LIMCH1: variants seen among roughly 807,000 people sequenced by gnomAD.
The protein encoded by LIMCH1 is LIM and calponin homology domains 1, also known as LIM and calponin homology domains-containing protein 1.
LIMCH1 carries 113 observed loss-of-function variants against 176.5 expected under a neutral mutation model. The ratio of observed to expected loss-of-function variants is 0.64; its 90% CI spans 0.55 to 0.75. LIMCH1 has a LOEUF of 0.75. LIMCH1 is among the 30% of genes least tolerant of loss of function. The probability of loss-of-function intolerance (pLI) is 0.00; values close to 1 mark genes in which losing one functional copy is unlikely to be tolerated. For synonymous variants in LIMCH1, 619 were observed against 645.9 expected, an observed-to-expected ratio of 0.96 and a Z score of 0.63; for missense variants, 1,674 against 1,814.9, an observed-to-expected ratio of 0.92 and a Z score of 1.41.
intron 5 of LIMCH1, among the ~76,000 whole-genome samples, chr4:41,615,164 T>A (rs1233898698): frequency 6.6e-6 from 1 of 152,232 alleles, no homozygotes; most frequent in Admixed American, 6.5e-5. Context: ...AAGAGTAGAT[T>A]TACTTTTCCA....
chr4:41,397,682 CTG>C (rs1364763650), intron 1 of LIMCH1, among the ~76,000 whole-genome samples: 1 of 151,824 alleles, frequency 6.6e-6, no homozygotes, highest in Non-Finnish European at 1.5e-5. Flanking sequence ...GGTTATTAGA[CTG>C]TGTTGTTCAA....
rs145851869 is a variant in LIMCH1, at chr4:41,620,359, T to A, written c.459-65T>A. The A allele has an allele frequency of 1.5e-3, 2,136 of 1,404,816 alleles. 4 individuals carry two copies. Among genetic ancestry groups the A allele is most frequent in the Non-Finnish European group, 1.9e-3 (2,020 of 1,051,774 alleles). 87.0% of individuals were successfully genotyped at this position (1,404,816 alleles called of 1,614,324 possible). A position where few individuals can be genotyped will look rare whatever the true frequency, so the allele number is the denominator to read the frequency against. Reference sequence around the variant, plus strand: ...AAGTAATATCAGAATAGCGGGGAGATGACATGGGGTCTGCTCCCCAGCCCA... The same window carrying A: ...AAGTAATATCAGAATAGCGGGGAGAAGACATGGGGTCTGCTCCCCAGCCCA... On this transcript the variant is annotated intron_variant, in intron 6 of 31. Coordinates refer to ENST00000503057, the MANE Select transcript of LIMCH1 (RefSeq NM_001330672.2).
At chr4:41,414,742 T>C (rs1045422870) in intron 1 of LIMCH1, among the ~76,000 whole-genome samples, 1 of 152,172 alleles carries the variant, frequency 6.6e-6, no homozygotes, top group African/African-American at 2.4e-5. Context: ...GATGATAAGG[T>C]TTTATAATTT....
intron 1 of LIMCH1, among the ~76,000 whole-genome samples, chr4:41,432,055 A>G (rs2061651448): frequency 6.6e-6 from 1 of 152,220 alleles, no homozygotes; most frequent in Non-Finnish European, 1.5e-5. Flanking sequence ...TAGGATGTTA[A>G]ATAATTTGTC....
chr4:41,441,498 G>GA (rs1303907391), intron 1 of LIMCH1, among the ~76,000 whole-genome samples: 5 of 151,944 alleles, frequency 3.3e-5, no homozygotes, highest in Admixed American at 3.3e-4. Context: ...TTAATATGAG[G>GA]AAAAATGAAG....
At chr4:41,576,370 C>T (rs1401812303) in intron 1 of LIMCH1, among the ~76,000 whole-genome samples, 1 of 152,040 alleles carries the variant, frequency 6.6e-6, no homozygotes, top group Non-Finnish European at 1.5e-5. Context: ...TGGTGACAAC[C>T]TTTAGGGAGG....
chr4:41,614,704 A>G (rs1336655434), intron 5 of LIMCH1, among the ~76,000 whole-genome samples: 1 of 152,164 alleles, frequency 6.6e-6, no homozygotes, highest in Non-Finnish European at 1.5e-5. Context: ...AGAGATACTC[A>G]CTCAGTATCT....
chr4:41,626,900 A>G lies in LIMCH1; in HGVS notation c.918A>G (p.Pro306=), dbSNP rs748245071. ...ARMNQTKPMV[P]LNQLLYGPYP... Reference sequence around the variant, plus strand: ...TGAACCAAACCAAGCCAATGGTGCCATTAAATCAACTCCTCTATGGCCCTT... The same window carrying G: ...TGAACCAAACCAAGCCAATGGTGCCGTTAAATCAACTCCTCTATGGCCCTT... Residue 306 remains proline (P), a synonymous_variant, in exon 8 of 32, where the codon CCA becomes CCG. Transcript: ENST00000503057. 9.1e-6 allele frequency: 14 copies of G among 1,536,086 alleles called. No homozygotes were observed. The highest frequency in any genetic ancestry group is 8.7e-7 in the Non-Finnish European group (1 of 1,146,924).
chr4:41,591,422 G>A (rs6824575), intron 1 of LIMCH1, among the ~76,000 whole-genome samples: 12,968 of 151,864 alleles, frequency 0.085, 1,810 homozygotes, highest in African/African-American at 0.29. Context: ...TTTAAAAAAC[G>A]TTTTATAGAG....
intron 1 of LIMCH1, among the ~76,000 whole-genome samples, chr4:41,405,923 C>T (rs986162348): frequency 6.6e-6 from 1 of 152,112 alleles, no homozygotes; most frequent in African/African-American, 2.4e-5. Flanking sequence ...GGAGACACGA[C>T]AATATGGCCT....
At chr4:41,554,282 A>T (rs914941542) in intron 1 of LIMCH1, among the ~76,000 whole-genome samples, 16 of 152,182 alleles carry the variant, frequency 1.1e-4, no homozygotes, top group African/African-American at 3.9e-4. Flanking sequence ...TTCATTGCTC[A>T]TGCATCTGAG....
At chr4:41,450,600 G>A (rs1332583995) in intron 1 of LIMCH1, among the ~76,000 whole-genome samples, 2 of 151,758 alleles carry the variant, frequency 1.3e-5, no homozygotes, top group South Asian at 2.1e-4. Context: ...TCAGGAGTTC[G>A]CCTGGTCAAT....
At chr4:41,361,802 C>T (rs2052120781) in intron 1 of LIMCH1, among the ~76,000 whole-genome samples, 1 of 151,690 alleles carries the variant, frequency 6.6e-6, no homozygotes, top group African/African-American at 2.4e-5. Flanking sequence ...GTTCAGGACG[C>T]TTGAAGGGCA....
intron 1 of LIMCH1, among the ~76,000 whole-genome samples, chr4:41,410,997 C>T (rs192368248): frequency 6.6e-5 from 10 of 152,312 alleles, no homozygotes; most frequent in Admixed American, 2.6e-4. Context: ...CATTCTTCAC[C>T]ACCATCAGGT....
At chr4:41,597,542 T>A (rs1416233517) in intron 1 of LIMCH1, among the ~76,000 whole-genome samples, 1 of 152,174 alleles carries the variant, frequency 6.6e-6, no homozygotes, top group Non-Finnish European at 1.5e-5. Flanking sequence ...GTAACTGGAT[T>A]TTTAGCTCAG....
At chr4:41,666,832 G>C (rs16853440) in intron 21 of LIMCH1, among the ~76,000 whole-genome samples, 166 bp downstream of exon 21, 1,750 of 152,290 alleles carry the variant, frequency 0.011, 41 homozygotes, top group African/African-American at 0.04. Flanking sequence ...ATGGAAAGCT[G>C]GAGCCGGATT....
At chr4:41,645,166 A>G (rs1387610490) in intron 15 of LIMCH1, among the ~76,000 whole-genome samples, 1 of 152,196 alleles carries the variant, frequency 6.6e-6, no homozygotes, top group Non-Finnish European at 1.5e-5. Context: ...GAACCAGGGA[A>G]GGAAGGCTAA....
At chr4:41,487,647 T>A (rs1218304589) in intron 1 of LIMCH1, among the ~76,000 whole-genome samples, 2 of 149,994 alleles carry the variant, frequency 1.3e-5, no homozygotes, top group African/African-American at 4.9e-5. Flanking sequence ...CCAATTTTTT[T>A]ATATTCTTTT....
chr4:41,637,928 C>T (rs2152898741), intron 13 of LIMCH1, among the ~76,000 whole-genome samples: 1 of 152,278 alleles, frequency 6.6e-6, no homozygotes, highest in East Asian at 1.9e-4. Context: ...GTAATTTTTG[C>T]TGCCGACTCC....
Sources: gnomAD v4.1 joint callset for allele counts (sites outside exome capture counted in the v4.1 genomes callset) on GRCh38, gnomAD v4.1.1 for gene constraint, MANE v1.5 for transcripts, NCBI Gene and HGNC (gene_info 2026-07-23, HGNC 2026-07-21) for gene names.